KCNQ3: variants seen among roughly 807,000 people sequenced by gnomAD.
The protein encoded by KCNQ3 is potassium voltage-gated channel subfamily Q member 3.
In KCNQ3, 30 loss-of-function variants were observed where a neutral mutation model predicts 92.5. That is an observed-to-expected ratio of 0.32 (90% confidence interval 0.24 to 0.44). The LOEUF is 0.44. KCNQ3 is among the 20% of genes least tolerant of loss of function. The pLI is 1.00. For missense variants in KCNQ3, 913 were observed against 1,140.3 expected (o/e 0.80, Z 2.87); for synonymous variants, 450 against 468.8 (o/e 0.96, Z 0.52).
chr8:132,434,207 C>CAAAAA (rs546958236), intron 1 of KCNQ3, among the ~76,000 whole-genome samples: 1 of 130,750 alleles, frequency 7.6e-6, no homozygotes, highest in African/African-American at 2.9e-5. Context: ...GACTCCGTCT[C>CAAAAA]AAAAAAAAAA....
intron 1 of KCNQ3, among the ~76,000 whole-genome samples, chr8:132,411,363 A>T (rs1328812019): frequency 6.6e-6 from 1 of 152,054 alleles, no homozygotes; most frequent in East Asian, 1.9e-4. Context: ...ATTACAGGGG[A>T]CACCGACATG....
intron 1 of KCNQ3, among the ~76,000 whole-genome samples, chr8:132,384,224 G>C (rs1181223765): frequency 6.6e-6 from 1 of 152,112 alleles, no homozygotes; most frequent in Non-Finnish European, 1.5e-5. Context: ...CCCTTGTCCC[G>C]GTGAGCTGCT....
chr8:132,260,985 A>T (rs1326432539), intron 1 of KCNQ3, among the ~76,000 whole-genome samples: 1 of 152,216 alleles, frequency 6.6e-6, no homozygotes. Context: ...TGTAAAATAC[A>T]GTGGTTCACA....
intron 8 of KCNQ3, among the ~76,000 whole-genome samples, chr8:132,170,043 T>G (rs992037730): frequency 6.6e-6 from 1 of 151,972 alleles, no homozygotes; most frequent in Non-Finnish European, 1.5e-5. Flanking sequence ...CGGCTAATTT[T>G]TGCATTTTTA....
chr8:132,254,118 C>T (rs983039235), intron 1 of KCNQ3, among the ~76,000 whole-genome samples: 1 of 152,220 alleles, frequency 6.6e-6, no homozygotes, highest in African/African-American at 2.4e-5. Context: ...ACTCTCAGGA[C>T]TTACCCTAGA....
At chr8:132,140,694 C>T (rs930614348) in intron 10 of KCNQ3, 4 of 258,080 alleles carry the variant, frequency 1.5e-5, no homozygotes, top group African/African-American at 9.0e-5. Flanking sequence ...TGCATGTCCT[C>T]CCTTTGCATA....
At chr8:132,425,297 T>A (rs530209884) in intron 1 of KCNQ3, among the ~76,000 whole-genome samples, 25 of 152,336 alleles carry the variant, frequency 1.6e-4, no homozygotes, top group Admixed American at 4.6e-4. Flanking sequence ...ACACATTGCC[T>A]TTCATCCTTA....
At chr8:132,434,900 G>A (rs1390295259) in intron 1 of KCNQ3, among the ~76,000 whole-genome samples, 1 of 152,130 alleles carries the variant, frequency 6.6e-6, no homozygotes, top group Non-Finnish European at 1.5e-5. Context: ...GCTAGGTAGG[G>A]GTCATTATTA....
chr8:132,353,926 G>C (rs534772191), intron 1 of KCNQ3, among the ~76,000 whole-genome samples: 1 of 152,316 alleles, frequency 6.6e-6, no homozygotes, highest in East Asian at 1.9e-4. Context: ...GCAGATGAAG[G>C]TTAACTAGAG....
At chr8:132,152,690 G>A (rs967240493) in intron 9 of KCNQ3, among the ~76,000 whole-genome samples, 21 of 152,202 alleles carry the variant, frequency 1.4e-4, no homozygotes, top group African/African-American at 5.1e-4. Context: ...CCTGACCTGT[G>A]GTCAGTAAAA....
In KCNQ3 at chr8:132,219,921, C is replaced by T. The variant is rs140553674; in HGVS notation, c.387-33740G>A. Among the ~76,000 whole-genome samples the T allele has an allele frequency of 6.8e-3, 1,020 of 150,986 alleles. 3 individuals are homozygous for T. The highest frequency in any genetic ancestry group is 8.3e-3 in the Non-Finnish European group (564 of 67,970). ...TTTTACAGATGAGAAAAATGAGTCC[C>T]AGAGAGGTCATACCTCATTCCTGAG... On this transcript the variant is annotated intron_variant, in intron 1 of 14. Transcript: ENST00000388996.
intron 8 of KCNQ3, among the ~76,000 whole-genome samples, chr8:132,168,836 T>C (rs1164954760): frequency 6.9e-6 from 1 of 145,574 alleles, no homozygotes; most frequent in East Asian, 2.0e-4. Context: ...TAGCATTGGG[T>C]TATATGAGGG....
intron 1 of KCNQ3, among the ~76,000 whole-genome samples, chr8:132,299,308 C>T (rs1817144626): frequency 6.6e-6 from 1 of 151,990 alleles, no homozygotes; most frequent in South Asian, 2.1e-4. Flanking sequence ...TGCACATTTT[C>T]CCCCCAAAAA....
At chr8:132,382,659 C>G (rs554051592) in intron 1 of KCNQ3, among the ~76,000 whole-genome samples, 2 of 152,236 alleles carry the variant, frequency 1.3e-5, no homozygotes, top group African/African-American at 2.4e-5. Context: ...AGTGTGGAGA[C>G]AGGTGGCCAG....
rs796199654 is a variant in KCNQ3, at chr8:132,295,948, T to C, written c.387-109767A>G. Reference sequence around the variant, plus strand: ...CACACGGGGCTTAATACCTAGGTGATGGGTTGGTAGGTGCAGCAAACCACC... The same window carrying C: ...CACACGGGGCTTAATACCTAGGTGACGGGTTGGTAGGTGCAGCAAACCACC... On this transcript the variant is annotated intron_variant, in intron 1 of 14. Coordinates refer to ENST00000388996, the MANE Select transcript of KCNQ3 (RefSeq NM_004519.4). Among the ~76,000 whole-genome samples, 11 of 152,224 alleles carry C rather than the reference T, an allele frequency of 7.2e-5. No individual in the cohort carries two copies. The East Asian group carries it at 9.7e-4, about 13-fold the overall frequency.
chr8:132,209,061 G>C (rs1203582894), intron 1 of KCNQ3, among the ~76,000 whole-genome samples: 1 of 152,146 alleles, frequency 6.6e-6, no homozygotes, highest in Non-Finnish European at 1.5e-5. Flanking sequence ...GTGATGAACA[G>C]GAAGCAGACA....
chr8:132,292,557 G>C (rs994361487), intron 1 of KCNQ3, among the ~76,000 whole-genome samples: 1 of 152,170 alleles, frequency 6.6e-6, no homozygotes, highest in African/African-American at 2.4e-5. Flanking sequence ...ATGCATGGAT[G>C]GAGAGACAGC....
intron 9 of KCNQ3, among the ~76,000 whole-genome samples, chr8:132,161,508 T>C (rs1300439133): frequency 6.6e-6 from 1 of 152,046 alleles, no homozygotes; most frequent in Non-Finnish European, 1.5e-5. Flanking sequence ...GGTGCTCGCC[T>C]ATCATTTCAT....
At chr8:132,194,396 T>G (rs1055179080) in intron 1 of KCNQ3, among the ~76,000 whole-genome samples, 6 of 152,032 alleles carry the variant, frequency 3.9e-5, no homozygotes, top group African/African-American at 1.4e-4. Context: ...GTGCCAGGGG[T>G]TTCTTTATTT....
Sources: gnomAD v4.1 joint callset for allele counts (sites outside exome capture counted in the v4.1 genomes callset) on GRCh38, gnomAD v4.1.1 for gene constraint, MANE v1.5 for transcripts, NCBI Gene and HGNC (gene_info 2026-07-23, HGNC 2026-07-21) for gene names.